Variants in LRBA observed in about 807,000 individuals in gnomAD.
LRBA encodes lipopolysaccharide-responsive and beige-like anchor protein.
In LRBA, 176 loss-of-function variants were observed where a neutral mutation model predicts 330.0. The observed-to-expected ratio is 0.53, with a 90% CI of 0.47 to 0.60. The LOEUF (loss-of-function observed/expected upper bound fraction) is 0.60, where lower values mean the gene tolerates loss of function less well. Ranked by LOEUF, LRBA falls within the 20% of genes least tolerant of loss-of-function variation. The pLI, the probability that LRBA is intolerant of heterozygous loss-of-function variation, is 0.00. For missense variants in LRBA, 3,259 were observed against 3,444.8 expected, an observed-to-expected ratio of 0.95 and a Z score of 1.35; for synonymous variants, 1,230 against 1,193.0, an observed-to-expected ratio of 1.03 and a Z score of -0.64.
At chr4:150,750,498 A>C (rs1384990833) in intron 35 of LRBA, among the ~76,000 whole-genome samples, 1 of 152,076 alleles carries the variant, frequency 6.6e-6, no homozygotes, top group Non-Finnish European at 1.5e-5. Flanking sequence ...CTTTATTTTT[A>C]ATATCATTTT....
chr4:150,467,047 G>A (rs1347093087), intron 44 of LRBA, among the ~76,000 whole-genome samples: 2 of 152,068 alleles, frequency 1.3e-5, no homozygotes, highest in African/African-American at 2.4e-5. Context: ...ATACCAGAGA[G>A]CATGAAAGTT....
At position 150,382,030 on chromosome 4, in the gene LRBA, T is replaced by A. The variant is rs573997989; in HGVS notation, c.7195-31871A>T. Reference sequence around the variant, plus strand: ...TATTTATCTTCTTATTCTTGAGTTGTAAGAGTCCCTTATATAATCTGCATA... The same window carrying A: ...TATTTATCTTCTTATTCTTGAGTTGAAAGAGTCCCTTATATAATCTGCATA... On this transcript the variant is annotated intron_variant, in intron 47 of 56. Coordinates refer to ENST00000651943, the MANE Select transcript of LRBA (RefSeq NM_001364905.1). 3.3e-5 allele frequency among the ~76,000 whole-genome samples: 5 copies of A among 152,358 alleles called. No homozygotes were observed. The East Asian group carries it at 9.6e-4, about 29-fold the overall frequency.
chr4:150,719,821 C>T (rs1213847283), intron 36 of LRBA, among the ~76,000 whole-genome samples: 6 of 152,022 alleles, frequency 3.9e-5, no homozygotes, highest in African/African-American at 1.2e-4. Flanking sequence ...TTGAAAAATG[C>T]GGCTGATTCA....
intron 40 of LRBA, among the ~76,000 whole-genome samples, chr4:150,491,773 T>C (rs1173772620): frequency 6.6e-6 from 1 of 152,162 alleles, no homozygotes; most frequent in African/African-American, 2.4e-5. Flanking sequence ...TAACCCACTT[T>C]GTTGCTTTGA....
intron 31 of LRBA, among the ~76,000 whole-genome samples, chr4:150,813,171 A>G (rs1485400063): frequency 9.1e-6 from 1 of 109,430 alleles, no homozygotes; most frequent in East Asian, 2.4e-4. Flanking sequence ...TAAAAAAAAA[A>G]AAAAAGAAAG....
At chr4:150,481,499 T>C (rs555337852) in intron 42 of LRBA, among the ~76,000 whole-genome samples, 185 of 152,234 alleles carry the variant, frequency 1.2e-3, no homozygotes, top group African/African-American at 4.4e-3. Flanking sequence ...TATATGTTTC[T>C]GTAACCACCA....
chr4:150,468,802 C>T (rs944557144), intron 43 of LRBA, among the ~76,000 whole-genome samples: 1 of 151,820 alleles, frequency 6.6e-6, no homozygotes, highest in Non-Finnish European at 1.5e-5. Flanking sequence ...TCTGTACATA[C>T]TCTTGGTATC....
chr4:150,410,351 T>A (rs1209055908), intron 47 of LRBA, among the ~76,000 whole-genome samples: 1 of 152,160 alleles, frequency 6.6e-6, no homozygotes, highest in African/African-American at 2.4e-5. Flanking sequence ...TCAACCTTGT[T>A]TTTTCCTGTC....
chr4:151,002,436 G>A (rs1743477861), intron 2 of LRBA, among the ~76,000 whole-genome samples: 1 of 151,544 alleles, frequency 6.6e-6, no homozygotes. Flanking sequence ...GTGGTGGTGG[G>A]TGCCTGTAAT....
intron 40 of LRBA, among the ~76,000 whole-genome samples, chr4:150,492,844 C>G (rs982250252): frequency 2.9e-4 from 44 of 152,148 alleles, no homozygotes. Context: ...CACTCATTCT[C>G]ACATTTAGAC....
chr4:150,349,890 T>C, intron 48 of LRBA, 102 bp downstream of exon 48: 1 of 1,019,424 alleles, frequency 9.8e-7, no homozygotes, highest in Admixed American at 2.3e-5. Context: ...CTAGTTTCAC[T>C]TTCTTCATCA....
chr4:150,440,288 G>A (rs149714411), intron 44 of LRBA, among the ~76,000 whole-genome samples: 1 of 151,936 alleles, frequency 6.6e-6, no homozygotes, highest in African/African-American at 2.4e-5. Flanking sequence ...AACACAAATA[G>A]CTCTAGAATA....
At chr4:150,979,173 T>G (rs1740556291) in intron 2 of LRBA, among the ~76,000 whole-genome samples, 1 of 152,078 alleles carries the variant, frequency 6.6e-6, no homozygotes, top group Admixed American at 6.6e-5. Flanking sequence ...ACAATGGAGC[T>G]CCAATACATC....
intron 29 of LRBA, among the ~76,000 whole-genome samples, chr4:150,830,775 T>C (rs1747055601): frequency 6.7e-6 from 1 of 148,820 alleles, no homozygotes; most frequent in Non-Finnish European, 1.5e-5. Flanking sequence ...TTTTTTTTTT[T>C]TTTTGGAAAC....
At chr4:150,804,467 T>C (rs780279600) in intron 33 of LRBA, among the ~76,000 whole-genome samples, 11 of 152,200 alleles carry the variant, frequency 7.2e-5, no homozygotes, top group Non-Finnish European at 1.2e-4. Flanking sequence ...TATCTTAAAC[T>C]ATTAGCCTAC....
At chr4:150,370,883 C>G (rs935982928) in intron 47 of LRBA, among the ~76,000 whole-genome samples, 1 of 152,098 alleles carries the variant, frequency 6.6e-6, no homozygotes, top group Admixed American at 6.6e-5. Flanking sequence ...ATATTTTTCT[C>G]CTCTTCTTTG....
intron 22 of LRBA, among the ~76,000 whole-genome samples, chr4:150,860,600 C>T (rs954818247): frequency 5.3e-5 from 8 of 151,910 alleles, no homozygotes; most frequent in African/African-American, 2.4e-5. Context: ...GGCTGAGGCG[C>T]GTGGATCACG....
At chr4:151,009,301 A>G (rs1242493507) in intron 2 of LRBA, among the ~76,000 whole-genome samples, 1 of 151,846 alleles carries the variant, frequency 6.6e-6, no homozygotes, top group Non-Finnish European at 1.5e-5. Context: ...TAATCCCAGC[A>G]TTTTCAGGAA....
chr4:150,458,695 T>C (rs1259797073), intron 44 of LRBA, among the ~76,000 whole-genome samples: 1 of 151,986 alleles, frequency 6.6e-6, no homozygotes, highest in African/African-American at 2.4e-5. Flanking sequence ...TACTGCTCTT[T>C]CTTGTTTTAT....
Sources: allele counts gnomAD v4.1 joint callset (sites outside exome capture counted in the v4.1 genomes callset), GRCh38; gene constraint gnomAD v4.1.1; transcripts MANE v1.5; gene names NCBI Gene and HGNC (gene_info 2026-07-23, HGNC 2026-07-21).